Variants in STAG1 observed in about 807,000 individuals in gnomAD.
STAG1 encodes the protein STAG1 cohesin complex component, also known as cohesin subunit SA-1.
In STAG1, 26 loss-of-function variants were observed where a neutral mutation model predicts 170.9. That is an observed-to-expected ratio of 0.15 (90% CI 0.11 to 0.21). The LOEUF is 0.21. Ranked by LOEUF, STAG1 falls within the 10% of genes least tolerant of loss-of-function variation. The pLI is 1.00. For missense variants in STAG1, 964 were observed against 1,509.5 expected, an observed-to-expected ratio of 0.64 and a Z score of 5.99; for synonymous variants, 514 against 497.7, an observed-to-expected ratio of 1.03 and a Z score of -0.44.
At chr3:136,449,896 G>A (rs1576476480) in intron 14 of STAG1, among the ~76,000 whole-genome samples, 1 of 132,220 alleles carries the variant, frequency 7.6e-6, no homozygotes, top group Non-Finnish European at 1.6e-5. Flanking sequence ...TGAAACTATT[G>A]TTGCTTTTTT....
chr3:136,633,701 C>CA (rs543370240), intron 1 of STAG1, among the ~76,000 whole-genome samples: 1,797 of 14,252 alleles, frequency 0.13, 395 homozygotes, highest in East Asian at 0.29. Flanking sequence ...GTTTCCATAT[C>CA]AAAAAAAAAG....
chr3:136,376,004 A>C (rs61789637), intron 23 of STAG1, among the ~76,000 whole-genome samples: 57 of 139,180 alleles, frequency 4.1e-4, no homozygotes, highest in Middle Eastern at 3.7e-3. Flanking sequence ...AAATAAATAA[A>C]TAAATAATTA....
chr3:136,647,094 T>A (rs1047498755), intron 1 of STAG1, among the ~76,000 whole-genome samples: 2 of 152,132 alleles, frequency 1.3e-5, no homozygotes, highest in East Asian at 1.9e-4. Context: ...TTGTGTCAAT[T>A]TTTTAAAAAA....
At chr3:136,349,686 T>A (rs1301632865) in intron 28 of STAG1, among the ~76,000 whole-genome samples, 1 of 152,070 alleles carries the variant, frequency 6.6e-6, no homozygotes, top group Non-Finnish European at 1.5e-5. Flanking sequence ...GATTATTGAG[T>A]TTTCTTATAA....
chr3:136,639,677 C>A (rs1265303670), intron 1 of STAG1, among the ~76,000 whole-genome samples: 1 of 152,110 alleles, frequency 6.6e-6, no homozygotes, highest in East Asian at 1.9e-4. Context: ...TACAACAAAA[C>A]CTTACCAAAA....
chr3:136,713,582 C>CAAA (rs139182292), intron 1 of STAG1, among the ~76,000 whole-genome samples: 2 of 119,976 alleles, frequency 1.7e-5, no homozygotes, highest in African/African-American at 6.2e-5. Context: ...AACTCCACCT[C>CAAA]AAAAAAAAAA....
At chr3:136,721,025 G>A (rs1202903613) in intron 1 of STAG1, among the ~76,000 whole-genome samples, 3 of 152,164 alleles carry the variant, frequency 2.0e-5, no homozygotes, top group Admixed American at 6.5e-5. Context: ...TGACTAATCT[G>A]GATTAGAATC....
intron 1 of STAG1, among the ~76,000 whole-genome samples, chr3:136,703,295 T>C (rs1559961082): frequency 1.3e-5 from 2 of 152,300 alleles, no homozygotes; most frequent in South Asian, 2.1e-4. Context: ...CTATATTCCA[T>C]GTAGCAGCTA....
At chr3:136,606,192 ATT>A (rs1175092374) in intron 3 of STAG1, among the ~76,000 whole-genome samples, 4 of 145,682 alleles carry the variant, frequency 2.7e-5, no homozygotes, top group African/African-American at 1.0e-4. Context: ...CTTTCTTTGA[ATT>A]TTTTTTTTTT....
chr3:136,366,842 T>C, intron 25 of STAG1, 101 bp downstream of exon 25: 3 of 911,602 alleles, frequency 3.3e-6, no homozygotes, highest in East Asian at 2.5e-5. Context: ...CCACATTACA[T>C]AGGTGAAAAG....
At chr3:136,433,741 A>C in intron 15 of STAG1, 82 bp from the exon 16 acceptor site, 2 of 931,656 alleles carry the variant, frequency 2.1e-6, no homozygotes, top group Admixed American at 2.3e-5. Context: ...TATTAAAAAA[A>C]CTGAAAACAT....
intron 4 of STAG1, among the ~76,000 whole-genome samples, chr3:136,596,782 A>C (rs969983892): frequency 6.6e-6 from 1 of 152,218 alleles, no homozygotes; most frequent in Non-Finnish European, 1.5e-5. Context: ...AATGCAGTAA[A>C]TAATTTCAGG....
chr3:136,420,230 G>A (rs750351038), intron 20 of STAG1, among the ~76,000 whole-genome samples: 10 of 122,788 alleles, frequency 8.1e-5, no homozygotes, highest in East Asian at 2.5e-4. Flanking sequence ...CTGGGCGACA[G>A]AGTGAGACTC....
chr3:136,340,452 C>G, intron 32 of STAG1, 39 bp downstream of exon 32: 2 of 1,342,866 alleles, frequency 1.5e-6, no homozygotes, highest in Non-Finnish European at 2.1e-6. Flanking sequence ...AATGCCCCCA[C>G]ATATTTTAAC....
At chr3:136,740,876 A>G (rs1686459241) in intron 1 of STAG1, among the ~76,000 whole-genome samples, 1 of 152,256 alleles carries the variant, frequency 6.6e-6, no homozygotes, top group South Asian at 2.1e-4. Flanking sequence ...ACATATAACC[A>G]TAGAGAAGTA....
intron 1 of STAG1, among the ~76,000 whole-genome samples, chr3:136,682,051 A>G (rs1269624474): frequency 1.3e-5 from 2 of 152,168 alleles, no homozygotes; most frequent in African/African-American, 4.8e-5. Flanking sequence ...ATGAAATAAA[A>G]AACATCCAAA....
At chr3:136,528,707 C>T (rs910041802) in intron 6 of STAG1, among the ~76,000 whole-genome samples, 6 of 152,058 alleles carry the variant, frequency 3.9e-5, no homozygotes, top group Non-Finnish European at 7.4e-5. Flanking sequence ...CCCACCAGCT[C>T]GGGAGGCTGA....
At chr3:136,473,496 G>T in intron 11 of STAG1, 43 bp downstream of exon 11, 1 of 1,436,756 alleles carries the variant, frequency 7.0e-7, no homozygotes, top group Non-Finnish European at 9.7e-7. Context: ...ACTAGCATTT[G>T]TAAAGAGAAA....
chr3:136,513,688 A>G (rs1024614846), intron 7 of STAG1, among the ~76,000 whole-genome samples: 4 of 152,194 alleles, frequency 2.6e-5, no homozygotes, highest in Non-Finnish European at 4.4e-5. Flanking sequence ...GGGTCAAACT[A>G]TTAAGCAAGA....
Sources: gnomAD v4.1 joint callset for allele counts (sites outside exome capture counted in the v4.1 genomes callset) on GRCh38, gnomAD v4.1.1 for gene constraint, MANE v1.5 for transcripts, NCBI Gene and HGNC (gene_info 2026-07-23, HGNC 2026-07-21) for gene names.